GRIK2: variants seen among roughly 807,000 people sequenced by gnomAD.
The protein encoded by GRIK2 is glutamate receptor ionotropic, kainate 2.
In GRIK2, 32 loss-of-function variants were observed where a neutral mutation model predicts 100.3. That is an observed-to-expected ratio of 0.32 (90% CI 0.24 to 0.43). The LOEUF (loss-of-function observed/expected upper bound fraction) is 0.43. Ranked by LOEUF, GRIK2 falls within the 20% of genes least tolerant of loss-of-function variation. GRIK2 has a pLI of 1.00. For missense variants in GRIK2, 843 were observed against 1,114.9 expected, an observed-to-expected ratio of 0.76 and a Z score of 3.47; for synonymous variants, 417 against 389.4, an observed-to-expected ratio of 1.07 and a Z score of -0.83.
chr6:101,554,762 T>A (rs1190216587), intron 2 of GRIK2, among the ~76,000 whole-genome samples: 2 of 152,154 alleles, frequency 1.3e-5, no homozygotes, highest in African/African-American at 4.8e-5. Context: ...AAATACCTAG[T>A]TCTGAGTATG....
intron 13 of GRIK2, among the ~76,000 whole-genome samples, chr6:101,926,012 AAT>A (rs1273485845): frequency 1.3e-5 from 2 of 151,220 alleles, no homozygotes; most frequent in East Asian, 1.9e-4. Context: ...TATAATTATT[AAT>A]ATATATGTAA....
intron 7 of GRIK2, among the ~76,000 whole-genome samples, chr6:101,784,276 G>A (rs1369065162): frequency 6.6e-6 from 1 of 152,236 alleles, no homozygotes; most frequent in East Asian, 1.9e-4. Context: ...AGCTACTCCA[G>A]TTCCAGCTCC....
intron 4 of GRIK2, among the ~76,000 whole-genome samples, chr6:101,664,480 C>A (rs966529996): frequency 3.3e-5 from 5 of 152,208 alleles, no homozygotes; most frequent in Non-Finnish European, 7.3e-5. Context: ...TTACTGGCTT[C>A]TCACAAACTG....
intron 12 of GRIK2, among the ~76,000 whole-genome samples, chr6:101,899,236 ACTATT>A (rs1330445832): frequency 5.3e-5 from 8 of 151,582 alleles, no homozygotes; most frequent in Non-Finnish European, 1.2e-4. Context: ...GACCATGCAA[ACTATT>A]CTATTAACTT....
At chr6:101,798,197 C>T (rs1780446290) in intron 7 of GRIK2, among the ~76,000 whole-genome samples, 1 of 151,808 alleles carries the variant, frequency 6.6e-6, no homozygotes, top group Admixed American at 6.6e-5. Flanking sequence ...GCAAAATTAC[C>T]CTTTCTGTTG....
chr6:101,514,873 A>T (rs1315511731), intron 2 of GRIK2, among the ~76,000 whole-genome samples: 5 of 152,114 alleles, frequency 3.3e-5, no homozygotes, highest in Non-Finnish European at 5.9e-5. Context: ...TTCCTGAAAG[A>T]GGGTAGAACA....
chr6:101,908,997 A>G (rs568350387), intron 12 of GRIK2, among the ~76,000 whole-genome samples: 188 of 151,506 alleles, frequency 1.2e-3, no homozygotes, highest in Non-Finnish European at 2.1e-3. Context: ...CTCAACTAGT[A>G]TAGAAATTAA....
rs565029382 is a variant in GRIK2 at position 101,433,132 on chromosome 6, A to AT, written c.115+33748dup. Among the ~76,000 whole-genome samples the AT allele has an allele frequency of 1.5e-4, 23 of 152,098 alleles. No individual in the cohort carries two copies. The South Asian group carries it at 3.1e-3, about 21-fold the overall frequency. On this transcript the variant is annotated intron_variant, in intron 2 of 16. Transcript: ENST00000369134. ...AGAAAATCCCAGAAAATCCCAAGAG[A>AT]TTTTTTTTCTGTAAAATGAAGGTAA...
chr6:101,904,934 G>A (rs1046915742), intron 12 of GRIK2, among the ~76,000 whole-genome samples: 1 of 151,358 alleles, frequency 6.6e-6, no homozygotes, highest in Non-Finnish European at 1.5e-5. Flanking sequence ...TAATCTTTTT[G>A]TTGGAGTCTT....
chr6:101,683,299 C>A (rs983650827), intron 6 of GRIK2, among the ~76,000 whole-genome samples: 2 of 152,072 alleles, frequency 1.3e-5, no homozygotes, highest in African/African-American at 4.8e-5. Flanking sequence ...TTGAAGCTGT[C>A]CTTTCAGTAG....
intron 15 of GRIK2, among the ~76,000 whole-genome samples, chr6:102,044,654 G>T (rs2518149): frequency 0.28 from 42,010 of 151,828 alleles, 5,919 homozygotes; most frequent in Non-Finnish European, 0.31. Context: ...CACAATACAT[G>T]GGAATTATGG....
intron 2 of GRIK2, among the ~76,000 whole-genome samples, chr6:101,569,217 A>C (rs1441064130): frequency 1.3e-5 from 2 of 152,060 alleles, no homozygotes; most frequent in African/African-American, 2.4e-5. Flanking sequence ...ATTCAAAAAA[A>C]CCCTACTTTT....
chr6:101,987,983 A>C (rs1355833742), intron 14 of GRIK2, among the ~76,000 whole-genome samples: 2 of 151,290 alleles, frequency 1.3e-5, no homozygotes, highest in Admixed American at 1.3e-4. Flanking sequence ...TCTCTTTACT[A>C]TTTGTTTTTA....
At chr6:101,776,917 G>A (rs558036425) in intron 7 of GRIK2, among the ~76,000 whole-genome samples, 1 of 152,270 alleles carries the variant, frequency 6.6e-6, no homozygotes, top group East Asian at 1.9e-4. Flanking sequence ...AAGGGTTGAA[G>A]CATTATACTT....
At chr6:101,628,549 G>T (rs1192448963) in intron 4 of GRIK2, among the ~76,000 whole-genome samples, 1 of 151,888 alleles carries the variant, frequency 6.6e-6, no homozygotes, top group Non-Finnish European at 1.5e-5. Context: ...TGAATGTCAG[G>T]TTCTATATGA....
intron 12 of GRIK2, among the ~76,000 whole-genome samples, chr6:101,919,168 TATTG>T (rs1443772876): frequency 1.3e-5 from 2 of 151,744 alleles, no homozygotes; most frequent in African/African-American, 2.4e-5. Context: ...AGTTAATAGA[TATTG>T]ATTCTACACA....
intron 7 of GRIK2, among the ~76,000 whole-genome samples, chr6:101,725,131 T>C (rs1774770657): frequency 6.6e-6 from 1 of 152,048 alleles, no homozygotes; most frequent in Non-Finnish European, 1.5e-5. Context: ...GTAATAATCA[T>C]TCATATATTA....
At chr6:101,983,181 A>C (rs1582664399) in intron 14 of GRIK2, among the ~76,000 whole-genome samples, 1 of 151,840 alleles carries the variant, frequency 6.6e-6, no homozygotes, top group African/African-American at 2.4e-5. Flanking sequence ...AAACTTGGCA[A>C]GTCTACTCAG....
intron 14 of GRIK2, among the ~76,000 whole-genome samples, chr6:102,012,080 T>TG (rs1795575964): frequency 6.6e-6 from 1 of 152,186 alleles, no homozygotes; most frequent in Non-Finnish European, 1.5e-5. Context: ...TTCATTTTTC[T>TG]TTTTTTAAAG....
Sources: allele counts gnomAD v4.1 joint callset (sites outside exome capture counted in the v4.1 genomes callset), GRCh38; gene constraint gnomAD v4.1.1; transcripts MANE v1.5; gene names NCBI Gene and HGNC (gene_info 2026-07-23, HGNC 2026-07-21).